Variants in PKHD1 observed in about 807,000 individuals in gnomAD.
PKHD1 encodes the protein fibrocystin.
Under a neutral mutation model 412.0 loss-of-function variants are expected in PKHD1, and 291 were observed. That is an observed-to-expected ratio of 0.71 (90% CI 0.64 to 0.78). The LOEUF (loss-of-function observed/expected upper bound fraction) is 0.78, where lower values mean the gene tolerates loss of function less well. PKHD1 is among the 30% of genes least tolerant of loss of function. The pLI is 0.00. For synonymous variants in PKHD1, 1,777 were observed against 1,821.5 expected, an observed-to-expected ratio of 0.98 and a Z score of 0.62; for missense variants, 4,825 against 4,950.7, an observed-to-expected ratio of 0.97 and a Z score of 0.76.
intron 13 of PKHD1, 105 bp downstream of exon 13, chr6:52,064,850 A>C (rs2128221598): frequency 1.6e-6 from 1 of 608,300 alleles, no homozygotes; most frequent in Non-Finnish European, 3.0e-6. Flanking sequence ...TGAGTAAGCC[A>C]GTCAAATAGA....
At chr6:51,761,162 T>C (rs1002795600) in intron 55 of PKHD1, among the ~76,000 whole-genome samples, 1 of 152,036 alleles carries the variant, frequency 6.6e-6, no homozygotes, top group Non-Finnish European at 1.5e-5. Flanking sequence ...AGCCAAAATA[T>C]AGAGTCAATC....
chr6:51,968,017 T>C (rs1259400721), intron 35 of PKHD1, among the ~76,000 whole-genome samples: 1 of 152,152 alleles, frequency 6.6e-6, no homozygotes, highest in Non-Finnish European at 1.5e-5. Context: ...GGAAACCTTT[T>C]TTTTCCTCCT....
intron 31 of PKHD1, among the ~76,000 whole-genome samples, chr6:52,026,914 C>T (rs1802274208): frequency 6.6e-6 from 1 of 152,114 alleles, no homozygotes; most frequent in African/African-American, 2.4e-5. Context: ...TTTTACTATA[C>T]CCAAAAAGGA....
chr6:52,023,076 T>C, intron 32 of PKHD1, 132 bp from the exon 33 acceptor site: 2 of 1,037,490 alleles, frequency 1.9e-6, no homozygotes, highest in Non-Finnish European at 2.9e-6. Flanking sequence ...ACAACTGGCT[T>C]GAGGTGGCTG....
At chr6:51,663,621 T>A (rs182045004) in intron 60 of PKHD1, among the ~76,000 whole-genome samples, 54 of 152,288 alleles carry the variant, frequency 3.5e-4, no homozygotes, top group Admixed American at 3.5e-3. Flanking sequence ...CTGATTGATA[T>A]GTAATGTCCT....
At chr6:51,777,679 GAAAAAAAAAA>G (rs59379021) in intron 53 of PKHD1, among the ~76,000 whole-genome samples, 16 of 118,796 alleles carry the variant, frequency 1.3e-4, no homozygotes, top group South Asian at 2.4e-4. Context: ...GAGTCTTTGG[GAAAAAAAAAA>G]AAAAAAAAAA....
At chr6:51,895,940 GA>G (rs1562557652) in intron 43 of PKHD1, among the ~76,000 whole-genome samples, 5 of 152,100 alleles carry the variant, frequency 3.3e-5, no homozygotes, top group African/African-American at 1.2e-4. Flanking sequence ...ACTCCCACCC[GA>G]ATACTGCGCT....
intron 14 of PKHD1, 152 bp from the exon 15 acceptor site, chr6:52,060,194 A>G (rs1808466844): frequency 1.5e-6 from 1 of 667,812 alleles, no homozygotes. Context: ...TATTCTAGAA[A>G]GAGATATAGC....
intron 5 of PKHD1, among the ~76,000 whole-genome samples, chr6:52,076,705 C>A (rs1811377493): frequency 6.6e-6 from 1 of 152,096 alleles, no homozygotes; most frequent in South Asian, 2.1e-4. Context: ...TCTTTTAATT[C>A]CATTGTAATT....
intron 36 of PKHD1, among the ~76,000 whole-genome samples, chr6:51,949,994 A>G (rs1031651338): frequency 6.6e-6 from 1 of 151,908 alleles, no homozygotes; most frequent in African/African-American, 2.4e-5. Flanking sequence ...TCTTCCTTTA[A>G]TTAAAAAACA....
At chr6:52,083,793 C>T (rs1166963823) in intron 2 of PKHD1, among the ~76,000 whole-genome samples, 1 of 151,986 alleles carries the variant, frequency 6.6e-6, no homozygotes, top group African/African-American at 2.4e-5. Context: ...TACTTTTGCA[C>T]CAACCTAATA....
At chr6:52,015,759 G>C (rs899923820) in intron 34 of PKHD1, among the ~76,000 whole-genome samples, 1 of 151,778 alleles carries the variant, frequency 6.6e-6, no homozygotes, top group Non-Finnish European at 1.5e-5. Flanking sequence ...GGGAGGCAGA[G>C]CTTGCAGTGA....
intron 13 of PKHD1, among the ~76,000 whole-genome samples, chr6:52,064,642 G>A (rs1384167933): frequency 6.6e-6 from 1 of 152,062 alleles, no homozygotes; most frequent in East Asian, 1.9e-4. Context: ...ATGAAGGCGG[G>A]CAGTTTGGGG....
intron 33 of PKHD1, among the ~76,000 whole-genome samples, chr6:52,020,121 G>A (rs573808400): frequency 4.6e-5 from 7 of 152,250 alleles, no homozygotes; most frequent in East Asian, 1.9e-4. Flanking sequence ...AATTCAAAGC[G>A]ACCTTGGTAA....
Position 51,659,245 on chromosome 6 carries a change from G to T in PKHD1, c.10881C>A (p.Cys3627Ter). The change falls in exon 61 of 67, where the codon TGC (cysteine) becomes TGA (stop). Residue 3627 changes from cysteine (C) to a stop codon, truncating the protein, a stop_gained. Transcript: ENST00000371117. LOFTEE classifies it high-confidence loss of function. ...GACCAACTCTTCTATAATGACTAGT[G>T]CAAGTCACAGTAGGGCAATTGCGCT... ...KRKRNCPTVT[C>*]TSHYRRVGQR... The T allele has an allele frequency of 6.2e-7, 1 of 1,613,810 alleles. No individual in the cohort carries two copies. The highest frequency in any genetic ancestry group is 1.1e-5 in the South Asian group (1 of 91,084).
chr6:52,072,245 A>T (rs1810730482), intron 7 of PKHD1, 56 bp from the exon 8 acceptor site: 1 of 1,058,112 alleles, frequency 9.5e-7, no homozygotes. Context: ...CAATACTCCC[A>T]ATAAACATTC....
At chr6:51,723,488 A>G (rs1438262212) in intron 60 of PKHD1, among the ~76,000 whole-genome samples, 1 of 152,232 alleles carries the variant, frequency 6.6e-6, no homozygotes, top group Non-Finnish European at 1.5e-5. Flanking sequence ...AGTATATACC[A>G]TAAGACTATT....
chr6:52,046,412 C>T (rs1805850185), intron 23 of PKHD1, among the ~76,000 whole-genome samples: 1 of 152,188 alleles, frequency 6.6e-6, no homozygotes, highest in Admixed American at 6.5e-5. Context: ...CTATCTTTCA[C>T]TCATACCATA....
chr6:51,784,967 T>C (rs1792636293), intron 53 of PKHD1, among the ~76,000 whole-genome samples: 1 of 152,228 alleles, frequency 6.6e-6, no homozygotes, highest in Admixed American at 6.6e-5. Context: ...CCTATTTAAT[T>C]TCTTTCAGAG....
Sources: allele counts gnomAD v4.1 joint callset (sites outside exome capture counted in the v4.1 genomes callset), GRCh38; gene constraint gnomAD v4.1.1; transcripts MANE v1.5; gene names NCBI Gene and HGNC (gene_info 2026-07-23, HGNC 2026-07-21).